Variants in SMARCC1 observed in about 807,000 individuals in gnomAD.
The protein encoded by SMARCC1 is SWI/SNF related BAF chromatin remodeling complex subunit C1.
SMARCC1 carries 43 observed loss-of-function variants against 147.4 expected under a neutral mutation model. The ratio of observed to expected loss-of-function variants is 0.29; its 90% CI spans 0.23 to 0.38. The LOEUF (loss-of-function observed/expected upper bound fraction) is 0.38, where lower values mean the gene tolerates loss of function less well. Among genes scored for constraint, SMARCC1 ranks in the 10% least tolerant of loss-of-function variants. The pLI is 1.00. For missense variants in SMARCC1, 1,119 were observed against 1,381.1 expected, an observed-to-expected ratio of 0.81 and a Z score of 3.01; for synonymous variants, 495 against 484.4, an observed-to-expected ratio of 1.02 and a Z score of -0.29.
chr3:47,603,914 C>T (rs534696777), intron 26 of SMARCC1: 1 of 405,204 alleles, frequency 2.5e-6, no homozygotes, highest in African/African-American at 2.1e-5. Context: ...ACAAAATCTA[C>T]CAAAAGTTGG....
At chr3:47,626,471 A>G (rs929321985) in intron 24 of SMARCC1, among the ~76,000 whole-genome samples, 23 of 150,170 alleles carry the variant, frequency 1.5e-4, no homozygotes, top group Middle Eastern at 3.4e-3. Flanking sequence ...AAAAAAAAAA[A>G]AAAGAAAGAA....
intron 21 of SMARCC1, among the ~76,000 whole-genome samples, chr3:47,648,354 C>A (rs1309735793): frequency 6.6e-6 from 1 of 152,004 alleles, no homozygotes; most frequent in African/African-American, 2.4e-5. Context: ...AAGCATTCCT[C>A]CATCAAAAAT....
chr3:47,658,669 A>G (rs2033295595), intron 21 of SMARCC1, among the ~76,000 whole-genome samples: 1 of 152,230 alleles, frequency 6.6e-6, no homozygotes, highest in Admixed American at 6.5e-5. Context: ...ATCACATATC[A>G]GATGATGGAC....
chr3:47,684,368 C>T (rs2033694155), intron 14 of SMARCC1, among the ~76,000 whole-genome samples: 1 of 151,866 alleles, frequency 6.6e-6, no homozygotes, highest in Non-Finnish European at 1.5e-5. Flanking sequence ...TTTTACATGC[C>T]AGGATTTATA....
At chr3:47,612,434 A>G (rs1398164398) in intron 25 of SMARCC1, among the ~76,000 whole-genome samples, 4 of 152,230 alleles carry the variant, frequency 2.6e-5, no homozygotes, top group Non-Finnish European at 5.9e-5. Flanking sequence ...GATATGCTTT[A>G]TAAGGAAGCT....
chr3:47,732,542 A>G (rs966131264), intron 5 of SMARCC1, among the ~76,000 whole-genome samples: 1 of 152,172 alleles, frequency 6.6e-6, no homozygotes, highest in Admixed American at 6.5e-5. Flanking sequence ...CTTTTTATTT[A>G]AAGTGAGAGA....
chr3:47,644,250 G>A (rs1473355678), intron 21 of SMARCC1, among the ~76,000 whole-genome samples: 2 of 152,130 alleles, frequency 1.3e-5, no homozygotes, highest in South Asian at 2.1e-4. Context: ...GGAGGCAGGG[G>A]TAGGAAGACA....
At position 47,588,074 on chromosome 3, in the gene SMARCC1, GA is replaced by G; in HGVS notation, c.*134del. 1.5e-6 allele frequency: 1 copy of G among 669,962 alleles called. No individual in the cohort carries two copies. 41.5% of individuals were successfully genotyped at this position (669,962 alleles called of 1,614,324 possible). ...AGAGAGGGGTGGTAAGAGGAGTGGG[GA>G]GGCACGGGACACGTGCTTGGAGCTG... On this transcript the variant is annotated 3_prime_UTR_variant, in exon 28 of 28. Transcript: ENST00000254480.
intron 26 of SMARCC1, among the ~76,000 whole-genome samples, chr3:47,599,951 A>C (rs550294864): frequency 6.6e-6 from 1 of 152,322 alleles, no homozygotes; most frequent in East Asian, 1.9e-4. Flanking sequence ...TACTATTTCC[A>C]AAGCTATCTG....
At chr3:47,719,104 G>A (rs951856726) in intron 7 of SMARCC1, among the ~76,000 whole-genome samples, 4 of 151,216 alleles carry the variant, frequency 2.6e-5, no homozygotes, top group East Asian at 2.0e-4. Context: ...TAGTAGAGAC[G>A]GGGGTTTCAC....
At chr3:47,685,882 CAAAA>C (rs936692930) in intron 14 of SMARCC1, among the ~76,000 whole-genome samples, 163 bp downstream of exon 14, 7 of 152,034 alleles carry the variant, frequency 4.6e-5, no homozygotes, top group Non-Finnish European at 7.4e-5. Flanking sequence ...AACAAACAAA[CAAAA>C]AACACAAACA....
Position 47,662,377 on chromosome 3 carries a change from C to T in SMARCC1, c.2115G>A (p.Val705=). Residue 705 remains valine, a synonymous_variant, in exon 20 of 28, where the codon GTG becomes GTA. Transcript: ENST00000254480. ...CAGCAGATGCCACGCGAGGGTCCAC[C>T]ACAGATGCCAAAAAAGCAACAGTAC... ...VMSTVAFLAS[V]VDPRVASAAA... 1 of 1,614,114 alleles carries T rather than the reference C, an allele frequency of 6.2e-7. No individual in the cohort carries two copies. The highest frequency in any genetic ancestry group is 8.5e-7 in the Non-Finnish European group (1 of 1,180,008).
chr3:47,770,441 T>C (rs2034899630), intron 2 of SMARCC1, among the ~76,000 whole-genome samples: 1 of 151,518 alleles, frequency 6.6e-6, no homozygotes, highest in African/African-American at 2.4e-5. Flanking sequence ...GTCAACATGG[T>C]GAAACCCCGT....
At chr3:47,778,981 C>T (rs1449759054) in intron 1 of SMARCC1, among the ~76,000 whole-genome samples, 3 of 151,728 alleles carry the variant, frequency 2.0e-5, no homozygotes, top group Admixed American at 2.0e-4. Context: ...CAGAAAGACC[C>T]TGTCTCAAAA....
At chr3:47,638,160 G>A (rs921611037) in intron 22 of SMARCC1, among the ~76,000 whole-genome samples, 7 of 151,988 alleles carry the variant, frequency 4.6e-5, no homozygotes, top group South Asian at 2.1e-4. Flanking sequence ...GCGCGATCTC[G>A]GCTCACTGCA....
intron 1 of SMARCC1, among the ~76,000 whole-genome samples, chr3:47,774,444 G>A (rs1045692729): frequency 2.6e-5 from 4 of 151,978 alleles, no homozygotes; most frequent in Non-Finnish European, 5.9e-5. Flanking sequence ...TGTTTTTGGA[G>A]TCTCGCTCTG....
chr3:47,691,681 A>C (rs2106775678), intron 12 of SMARCC1, among the ~76,000 whole-genome samples: 1 of 152,062 alleles, frequency 6.6e-6, no homozygotes, highest in South Asian at 2.1e-4. Context: ...ACTCTCCAAA[A>C]TACCCACTCG....
At position 47,701,254 on chromosome 3, in the gene SMARCC1, ACT is replaced by A. The variant is rs749945783; in HGVS notation, c.1165+22_1165+23del. 6 of 1,603,394 alleles carry A rather than the reference ACT, an allele frequency of 3.7e-6. No individual in the cohort carries two copies. The South Asian group carries it at 6.6e-5, about 18-fold the overall frequency. On this transcript the variant is annotated intron_variant, in intron 11 of 27. Coordinates refer to ENST00000254480, the MANE Select transcript of SMARCC1 (RefSeq NM_003074.4). ...TGAGAATGACTAAATTAAATCTAAC[ACT>A]CTCATGCAGAAGAATACAAACCATT... is the stretch of plus-strand genomic sequence containing the variant.
At chr3:47,603,747 T>C (rs1196187032) in intron 26 of SMARCC1, 3 of 282,022 alleles carry the variant, frequency 1.1e-5, no homozygotes, top group East Asian at 9.2e-5. Context: ...GTGTATTTCA[T>C]TAAGATCAAC....
Sources: allele counts gnomAD v4.1 joint callset (sites outside exome capture counted in the v4.1 genomes callset), GRCh38; gene constraint gnomAD v4.1.1; transcripts MANE v1.5; gene names NCBI Gene and HGNC (gene_info 2026-07-23, HGNC 2026-07-21).